ABCB1: variants seen among roughly 807,000 people sequenced by gnomAD.
ABCB1 encodes the protein ATP-dependent translocase ABCB1.
In ABCB1, 69 loss-of-function variants were observed where a neutral mutation model predicts 142.0. The ratio of observed to expected loss-of-function variants is 0.49; its 90% CI spans 0.40 to 0.59. The LOEUF is 0.59. Among genes scored for constraint, ABCB1 ranks in the 20% least tolerant of loss-of-function variants. The probability of loss-of-function intolerance (pLI) is 0.00; values close to 1 mark genes in which losing one functional copy is unlikely to be tolerated. For synonymous variants in ABCB1, 532 were observed against 539.2 expected (o/e 0.99, Z 0.18); for missense variants, 1,326 against 1,554.7 (o/e 0.85, Z 2.47).
chr7:87,699,908 T>C (rs1828864401), intron 1 of ABCB1, among the ~76,000 whole-genome samples: 1 of 152,196 alleles, frequency 6.6e-6, no homozygotes, highest in Non-Finnish European at 1.5e-5. Context: ...TATAGGATGC[T>C]AATTGATTTT....
At chr7:87,635,003 A>G (rs1470892642) in intron 1 of ABCB1, among the ~76,000 whole-genome samples, 2 of 152,186 alleles carry the variant, frequency 1.3e-5, no homozygotes, top group Admixed American at 1.3e-4. Context: ...CTGCATTCAT[A>G]TTAATTGACA....
intron 1 of ABCB1, chr7:87,628,584 C>CGCGTGTGT (rs1820843188): frequency 3.6e-6 from 1 of 278,404 alleles, no homozygotes; most frequent in Non-Finnish European, 6.6e-6. Context: ...TGCGTGCGTG[C>CGCGTGTGT]GTGTGTGTGT....
chr7:87,602,911 T>C (rs575436178), upstream of ABCB1: 1 of 152,370 alleles, frequency 6.6e-6, no homozygotes, highest in Admixed American at 6.5e-5. Flanking sequence ...TCTGTCAAGC[T>C]GAACTTGGCT....
At chr7:87,603,028 G>T (rs1237272592), upstream of ABCB1, 1 of 152,144 alleles carries the variant, frequency 6.6e-6, no homozygotes, top group South Asian at 2.1e-4. Context: ...TGAAGTGACT[G>T]CCACAATCTG....
intron 1 of ABCB1, among the ~76,000 whole-genome samples, chr7:87,706,708 G>T (rs1829623589): frequency 1.3e-5 from 2 of 152,154 alleles, no homozygotes; most frequent in African/African-American, 4.8e-5. Flanking sequence ...TGTGGAGGTG[G>T]AGATTTTTAT....
chr7:87,670,230 G>A (rs1825688647), intron 1 of ABCB1, among the ~76,000 whole-genome samples: 1 of 152,148 alleles, frequency 6.6e-6, no homozygotes, highest in South Asian at 2.1e-4. Flanking sequence ...GTCTTCAGGT[G>A]CTGAGATTCT....
intron 1 of ABCB1, chr7:87,659,146 A>G (rs1824436683): frequency 5.1e-6 from 2 of 394,252 alleles, no homozygotes; most frequent in Non-Finnish European, 9.9e-6. Context: ...TGGGCAATAG[A>G]ATGAGACCCT....
intron 21 of ABCB1, among the ~76,000 whole-genome samples, chr7:87,527,801 T>A (rs752900406): frequency 6.6e-6 from 1 of 152,202 alleles, no homozygotes; most frequent in Non-Finnish European, 1.5e-5. Flanking sequence ...AGGAAGTGGC[T>A]ACAAAATTAC....
At chr7:87,519,608 C>T (rs1194525478) in intron 22 of ABCB1, 142 bp from the exon 23 acceptor site, 2 of 914,944 alleles carry the variant, frequency 2.2e-6, no homozygotes, top group Admixed American at 2.0e-5. Flanking sequence ...TTGGTCCTCA[C>T]TTTACACTTA....
At chr7:87,567,548 G>C (rs1817831541) in intron 5 of ABCB1, among the ~76,000 whole-genome samples, 1 of 152,150 alleles carries the variant, frequency 6.6e-6, no homozygotes, top group African/African-American at 2.4e-5. Flanking sequence ...TTTTGGGCTA[G>C]GGATTATCCC....
intron 23 of ABCB1, among the ~76,000 whole-genome samples, chr7:87,518,271 T>A (rs28401789): frequency 6.6e-6 from 1 of 152,362 alleles, no homozygotes; most frequent in African/African-American, 2.4e-5. Flanking sequence ...CTTTTTCTAA[T>A]GCACTGTTCT....
chr7:87,566,274 C>A, intron 6 of ABCB1, 33 bp from the exon 7 acceptor site: 1 of 1,606,950 alleles, frequency 6.2e-7, no homozygotes, highest in South Asian at 1.1e-5. Flanking sequence ...AAATAATTGT[C>A]AGAATTGTAA....
intron 2 of ABCB1, 98 bp from the exon 3 acceptor site, chr7:87,595,912 A>C: frequency 1.1e-6 from 1 of 911,872 alleles, no homozygotes; most frequent in Non-Finnish European, 1.8e-6. Context: ...ACTAATAGGA[A>C]GAAGAAATAT....
intron 19 of ABCB1, among the ~76,000 whole-genome samples, chr7:87,538,405 A>T (rs938585712): frequency 5.9e-5 from 9 of 152,180 alleles, no homozygotes; most frequent in African/African-American, 2.2e-4. Flanking sequence ...CTAAATGGTG[A>T]TGGGAGGAAT....
chr7:87,605,651 G>C (rs965964908), upstream of ABCB1, among the ~76,000 whole-genome samples: 2 of 152,288 alleles, frequency 1.3e-5, no homozygotes, highest in African/African-American at 2.4e-5. Flanking sequence ...CTTACTAGCT[G>C]TGTGGCTTTG....
At chr7:87,702,250 G>C (rs1411936704) in intron 1 of ABCB1, among the ~76,000 whole-genome samples, 1 of 149,206 alleles carries the variant, frequency 6.7e-6, no homozygotes, top group Non-Finnish European at 1.5e-5. Flanking sequence ...ATGTTAACAG[G>C]TAATGGGTTT....
chr7:87,541,296 C>A, intron 18 of ABCB1, 61 bp downstream of exon 18: 5 of 1,117,174 alleles, frequency 4.5e-6, no homozygotes, highest in Non-Finnish European at 6.8e-6. Flanking sequence ...GTTTATAAAT[C>A]CCCCCAGTTG....
chr7:87,505,843 G>A, intron 27 of ABCB1, 54 bp downstream of exon 27: 1 of 1,601,894 alleles, frequency 6.2e-7, no homozygotes, highest in Non-Finnish European at 8.6e-7. Context: ...GGAGAATACA[G>A]CATTTTTAAG....
At chr7:87,624,738 C>T (rs1820345377) in intron 1 of ABCB1, among the ~76,000 whole-genome samples, 1 of 152,092 alleles carries the variant, frequency 6.6e-6, no homozygotes, top group African/African-American at 2.4e-5. Flanking sequence ...AATTGATTGA[C>T]AATATCCAGA....
Sources: allele counts gnomAD v4.1 joint callset (sites outside exome capture counted in the v4.1 genomes callset), GRCh38; gene constraint gnomAD v4.1.1; transcripts MANE v1.5; gene names NCBI Gene and HGNC (gene_info 2026-07-23, HGNC 2026-07-21).